SPATC1L: variants seen among roughly 807,000 people sequenced by gnomAD.
The protein encoded by SPATC1L is spermatogenesis and centriole associated 1 like.
Under a neutral mutation model 21.2 loss-of-function variants are expected in SPATC1L, and 20 were observed. That is an observed-to-expected ratio of 0.94 (90% CI 0.66 to 1.37). SPATC1L has a LOEUF of 1.37. SPATC1L is among the 40% of genes most tolerant of loss of function. The pLI is 0.00. For missense variants in SPATC1L, 499 were observed against 478.7 expected (o/e 1.04, Z -0.40); for synonymous variants, 290 against 234.5 (o/e 1.24, Z -2.16).
At chr21:46,182,148 A>T (rs750545442) in intron 2 of SPATC1L, among the ~76,000 whole-genome samples, 10 of 152,200 alleles carry the variant, frequency 6.6e-5, no homozygotes, top group Admixed American at 1.3e-4. Context: ...CCTTCCCACC[A>T]TGGGGCTGGC....
chr21:46,172,331 G>A (rs1320526987), intron 2 of SPATC1L, among the ~76,000 whole-genome samples: 2 of 152,230 alleles, frequency 1.3e-5, no homozygotes, highest in African/African-American at 2.4e-5. Flanking sequence ...GGCAGGGTGT[G>A]CAGAACCCAG....
rs574929184 is a variant in SPATC1L, at chr21:46,181,960, C to T, written c.193+664G>A. Among the ~76,000 whole-genome samples the T allele has an allele frequency of 7.5e-4, 114 of 152,334 alleles. 1 individual carries two copies. Among genetic ancestry groups the T allele is most frequent in the Non-Finnish European group, 1.5e-3 (103 of 68,026 alleles). On this transcript the variant is annotated intron_variant, in intron 2 of 4. Coordinates refer to ENST00000291672, the MANE Select transcript of SPATC1L (RefSeq NM_001142854.2). Reference sequence around the variant, plus strand: ...TTTTAGAATAAAGCCTACTACTTTGCAGAAAGTGACCAAACCCTATATATA... The same window carrying T: ...TTTTAGAATAAAGCCTACTACTTTGTAGAAAGTGACCAAACCCTATATATA...
chr21:46,161,757 G>T, intron 4 of SPATC1L, 52 bp from the exon 5 acceptor site: 1 of 1,502,058 alleles, frequency 6.7e-7, no homozygotes, highest in South Asian at 1.3e-5. Flanking sequence ...CCTCGGACGG[G>T]GACTTCCAGG....
intron 2 of SPATC1L, among the ~76,000 whole-genome samples, chr21:46,172,118 CGGGGGATG>C (rs2079596547): frequency 9.9e-5 from 1 of 10,130 alleles, no homozygotes; most frequent in African/African-American, 1.8e-4. Flanking sequence ...GAGCATGAGG[CGGGGGATG>C]CACAGAGTGT....
chr21:46,161,355 G>C lies in SPATC1L; in HGVS notation c.*24C>G, dbSNP rs1468037804. 2.0e-6 allele frequency: 3 copies of C among 1,491,258 alleles called. No individual in the cohort carries two copies. The highest frequency in any genetic ancestry group is 2.7e-6 in the Non-Finnish European group (3 of 1,125,842). The allele number at this position is 1,491,258 out of a possible 1,614,324, so 92.4% of individuals were successfully genotyped here. ...GTTGGAACAAACGCGTTTACTGCAG[G>C]CAAGGCGGCGGGCGCGGGGCGGCTC... On this transcript the variant is annotated 3_prime_UTR_variant, in exon 5 of 5. Coordinates refer to ENST00000291672, the MANE Select transcript of SPATC1L (RefSeq NM_001142854.2).
At chr21:46,182,122 C>T (rs1292554259) in intron 2 of SPATC1L, among the ~76,000 whole-genome samples, 1 of 152,210 alleles carries the variant, frequency 6.6e-6, no homozygotes, top group African/African-American at 2.4e-5. Context: ...GGCTCTGAGG[C>T]CTCCCCAGGG....
In SPATC1L at chr21:46,162,052, G is replaced by T; in HGVS notation, c.560C>A (p.Ala187Glu). The T allele has an allele frequency of 6.3e-7, 1 of 1,578,808 alleles. No individual in the cohort carries two copies. Among genetic ancestry groups the T allele is most frequent in the Non-Finnish European group, 8.6e-7 (1 of 1,165,068 alleles). Residue 187 changes from alanine (A) to glutamate (E), a missense_variant, in exon 4 of 5, where the codon GCG (alanine) becomes GAG (glutamate). Ala to Glu is a moderately radical substitution (Grantham distance 107, BLOSUM62 -1). Transcript: ENST00000291672. Reference sequence around the variant, plus strand: ...CACGCGCGCGTCCTTCTCGGCGCCCGCGAAGCTCTGGATCTCTGGGGGAGG... The same window carrying T: ...CACGCGCGCGTCCTTCTCGGCGCCCTCGAAGCTCTGGATCTCTGGGGGAGG... ...SYYLNEIQSF[A>E]GAEKDARVVG...
In SPATC1L at chr21:46,168,484, G is replaced by A. The variant is rs939319387; in HGVS notation, c.368C>T (p.Pro123Leu). The part of the protein sequence containing the change: ...PFKAFLSPPE[P>L]HSHRGTDRKL... Reference sequence around the variant, plus strand: ...CCTGTCGGTGCCTCGGTGGCTATGTGGCTCTGGGGGACTGAGGAAGGCCTT... The same window carrying A: ...CCTGTCGGTGCCTCGGTGGCTATGTAGCTCTGGGGGACTGAGGAAGGCCTT... Residue 123 changes from proline to leucine, a missense_variant, in exon 3 of 5, where the codon CCA becomes CTA. Coordinates refer to ENST00000291672, the MANE Select transcript of SPATC1L (RefSeq NM_001142854.2). The A allele has an allele frequency of 1.5e-5, 23 of 1,570,874 alleles. No individual in the cohort carries two copies. The highest frequency in any genetic ancestry group is 1.8e-5 in the Non-Finnish European group (21 of 1,157,732).
At chr21:46,163,311 A>G (rs2079516568) in intron 3 of SPATC1L, among the ~76,000 whole-genome samples, 1 of 152,170 alleles carries the variant, frequency 6.6e-6, no homozygotes, top group African/African-American at 2.4e-5. Flanking sequence ...CTGTCCTTTG[A>G]AGCACAAAAG....
Position 46,168,284 on chromosome 21 carries a change from AG to A in SPATC1L, c.544+23del, listed in dbSNP as rs1320804281. 9.3e-6 allele frequency: 14 copies of A among 1,506,546 alleles called. 1 individual carries two copies. In the South Asian group the frequency reaches 1.8e-4, roughly 19 times the overall value. 93.3% of individuals were successfully genotyped at this position (1,506,546 alleles called of 1,614,324 possible). On this transcript the variant is annotated intron_variant, in intron 3 of 4. Transcript: ENST00000291672. ...GCCAGCCTGCACTGGGGGCCCCCCCAGGTGCCCCCGCACCCGGCCATACCAT... is the reference window on the plus strand; with the variant it reads ...GCCAGCCTGCACTGGGGGCCCCCCCAGTGCCCCCGCACCCGGCCATACCAT...
rs529629048 is a variant in SPATC1L, at chr21:46,169,528, T to A, written c.194-870A>T. Among the ~76,000 whole-genome samples, 21 of 141,202 alleles carry A rather than the reference T, an allele frequency of 1.5e-4. No individual in the cohort carries two copies. The East Asian group carries it at 2.4e-3, about 16-fold the overall frequency. The allele number at this position is 141,202 out of a possible 152,430, so 92.6% of individuals were successfully genotyped here. A position where few individuals can be genotyped will look rare whatever the true frequency, so the allele number is the denominator to read the frequency against. On this transcript the variant is annotated intron_variant, in intron 2 of 4. Transcript: ENST00000291672. ...GGAGGAGCCCCCTGCTCTGTGAGCA[T>A]CCTCTGTGGATGGGGAGGAGCCTCC...
intron 2 of SPATC1L, among the ~76,000 whole-genome samples, chr21:46,175,310 C>G (rs1601389250): frequency 1.3e-5 from 2 of 152,226 alleles, no homozygotes; most frequent in East Asian, 3.9e-4. Flanking sequence ...TAACCAAAAT[C>G]AAAGCTGAAC....
chr21:46,172,580 C>T lies in SPATC1L; in HGVS notation c.194-3922G>A, dbSNP rs62214053. Among the ~76,000 whole-genome samples the T allele has an allele frequency of 7.0e-3, 1,066 of 152,306 alleles. 5 individuals are homozygous for T. Among genetic ancestry groups the T allele is most frequent in the Middle Eastern group, 0.017 (5 of 294 alleles). ...ACAGCTGGTCAGGAGGACCAGGATG[C>T]GGCCAAAACCCTCTCTCACCTTCCC... On this transcript the variant is annotated intron_variant, in intron 2 of 4. Coordinates refer to ENST00000291672, the MANE Select transcript of SPATC1L (RefSeq NM_001142854.2).
At chr21:46,166,788 A>C (rs1250629846) in intron 3 of SPATC1L, among the ~76,000 whole-genome samples, 1 of 152,242 alleles carries the variant, frequency 6.6e-6, no homozygotes, top group Non-Finnish European at 1.5e-5. Context: ...AGCAAATATT[A>C]CTAGAGCTAA....
rs2079697581 is a variant in SPATC1L at position 46,183,530 on chromosome 21, TGC to T, written c.-716_-715del. 2 of 105,178 alleles carry T rather than the reference TGC, an allele frequency of 1.9e-5. No homozygotes were observed. Among genetic ancestry groups the T allele is most frequent in the African/African-American group, 3.7e-5 (1 of 26,888 alleles). 6.5% of individuals were successfully genotyped at this position (105,178 alleles called of 1,614,324 possible). On this transcript the variant is annotated 5_prime_UTR_variant, in exon 2 of 5. Transcript: ENST00000291672. Reference sequence around the variant, plus strand: ...GACCAGCTTGCGGGGGAGACCAGCCTGCGGGGGAGACCAGCCTGGGCGGGGAG... The same window carrying T: ...GACCAGCTTGCGGGGGAGACCAGCCTGGGGGAGACCAGCCTGGGCGGGGAG...
chr21:46,172,552 C>T (rs531562172), intron 2 of SPATC1L, among the ~76,000 whole-genome samples: 1 of 152,234 alleles, frequency 6.6e-6, no homozygotes, highest in Non-Finnish European at 1.5e-5. Context: ...GTTGGTCCTT[C>T]CCACAGCTGG....
rs1191268731 is a variant in SPATC1L, at chr21:46,179,686, T to G, written c.193+2938A>C. Among the ~76,000 whole-genome samples, 3 of 152,112 alleles carry G rather than the reference T, an allele frequency of 2.0e-5. No homozygotes were observed. In the East Asian group the frequency reaches 5.8e-4, roughly 29 times the overall value. ...CATCTGACAATCCACCACCAACAAC[T>G]AGGGAGCGAGTGGGCAATCTGGGGG... On this transcript the variant is annotated intron_variant, in intron 2 of 4. Transcript: ENST00000291672.
rs375630459 is a variant in SPATC1L, at chr21:46,161,981, C to T, written c.631G>A (p.Val211Met). 10 of 1,607,344 alleles carry T rather than the reference C, an allele frequency of 6.2e-6. No individual in the cohort carries two copies. Among genetic ancestry groups the T allele is most frequent in the South Asian group, 5.5e-5 (5 of 90,570 alleles). The change falls in exon 4 of 5, where the codon GTG (valine) becomes ATG (methionine). Residue 211 changes from valine (V) to methionine (M), a missense_variant. Physicochemically the swap from Val to Met is conservative, Grantham distance 21. Transcript: ENST00000291672. ...TAGAGCCGCGTCACGCCCGGGAACA[C>T]GTAGGCCAGGATGCGGCGGTCCAGC... is the stretch of plus-strand genomic sequence containing the variant. ...FQLDRRILAY[V>M]FPGVTRLYGF...
rs1171357849 is a variant in SPATC1L at position 46,161,241 on chromosome 21, G to C, written c.*138C>G. The C allele has an allele frequency of 1.3e-6, 1 of 749,638 alleles. No individual in the cohort carries two copies. Among genetic ancestry groups the C allele is most frequent in the East Asian group, 3.3e-5 (1 of 30,348 alleles). 46.4% of individuals were successfully genotyped at this position (749,638 alleles called of 1,614,324 possible). A position where few individuals can be genotyped will look rare whatever the true frequency, so the allele number is the denominator to read the frequency against. ...CGGGCTGCGGTCGGGGCCCAGCACCGGTGGGAGCGGGGCCTTCTCTGGCCT... is the reference window on the plus strand; with the variant it reads ...CGGGCTGCGGTCGGGGCCCAGCACCCGTGGGAGCGGGGCCTTCTCTGGCCT... On this transcript the variant is annotated 3_prime_UTR_variant, in exon 5 of 5. Transcript: ENST00000291672.
Sources: allele counts gnomAD v4.1 joint callset (sites outside exome capture counted in the v4.1 genomes callset), GRCh38; gene constraint gnomAD v4.1.1; transcripts MANE v1.5; gene names NCBI Gene and HGNC (gene_info 2026-07-23, HGNC 2026-07-21).